The following TMEM260 variants were observed in gnomAD, a reference collection of about 807,000 sequenced individuals.
TMEM260 encodes transmembrane protein 260, also known as protein O-mannosyl-transferase TMEM260.
A neutral mutation model predicts 88.9 loss-of-function variants in TMEM260; 82 were observed. The ratio of observed to expected loss-of-function variants is 0.92; its 90% CI spans 0.77 to 1.11. The LOEUF (loss-of-function observed/expected upper bound fraction) is 1.11, where lower values mean the gene tolerates loss of function less well. Ranked by LOEUF, TMEM260 falls within the 50% of genes least tolerant of loss-of-function variation. The probability of loss-of-function intolerance (pLI) is 0.00; values close to 1 mark genes in which losing one functional copy is unlikely to be tolerated. For synonymous variants in TMEM260, 314 were observed against 309.3 expected, an observed-to-expected ratio of 1.02 and a Z score of -0.16; for missense variants, 902 against 853.4, an observed-to-expected ratio of 1.06 and a Z score of -0.71.
intron 7 of TMEM260, among the ~76,000 whole-genome samples, chr14:56,614,589 A>G (rs1175178268): frequency 6.6e-6 from 1 of 152,192 alleles, no homozygotes; most frequent in East Asian, 1.9e-4. Flanking sequence ...ATCCTAGACC[A>G]TATGTCTAAC....
At chr14:56,647,216 A>G (rs775538331) in intron 15 of TMEM260, 27 bp from the exon 16 acceptor site, 1 of 1,567,462 alleles carries the variant, frequency 6.4e-7, no homozygotes, top group Non-Finnish European at 8.6e-7. Flanking sequence ...ATAACAATGG[A>G]ATACCAACAT....
intron 15 of TMEM260, among the ~76,000 whole-genome samples, chr14:56,639,125 A>C (rs1889363272): frequency 6.6e-6 from 1 of 152,160 alleles, no homozygotes; most frequent in South Asian, 2.1e-4. Context: ...AAGTGTTGGC[A>C]TCTATTTTGG....
At chr14:56,595,060 A>G (rs1254587294) in intron 3 of TMEM260, among the ~76,000 whole-genome samples, 1 of 152,210 alleles carries the variant, frequency 6.6e-6, no homozygotes, top group Non-Finnish European at 1.5e-5. Flanking sequence ...CCAGTGATCA[A>G]AAAGGATAGT....
At chr14:56,659,149 G>A in the TMEM260 span, among the ~76,000 whole-genome samples, 3 of 152,124 alleles carry the variant, frequency 2.0e-5, no homozygotes, top group East Asian at 1.9e-4. Context: ...AGATATTAAG[G>A]TGAGTGAAGT....
In TMEM260 at chr14:56,585,848, G is replaced by C; in HGVS notation, c.280G>C (p.Val94Leu). 1.2e-6 allele frequency: 2 copies of C among 1,613,306 alleles called. No individual in the cohort carries two copies. Among genetic ancestry groups the C allele is most frequent in the Non-Finnish European group, 1.7e-6 (2 of 1,179,662 alleles). Reference sequence around the variant, plus strand: ...TCCTTTTGGTTCAATTGCCTACCGCGTCAATCTTCTCTGTGGCTTATTTGG... The same window carrying C: ...TCCTTTTGGTTCAATTGCCTACCGCCTCAATCTTCTCTGTGGCTTATTTGG... ...LFPFGSIAYR[V>L]NLLCGLFGAV... Residue 94 changes from valine to leucine, a missense_variant, in exon 3 of 16, where the codon GTC becomes CTC. Transcript: ENST00000261556.
chr14:56,596,381 A>AGAGAGTGTGTGTGT (rs1555334739), intron 3 of TMEM260, among the ~76,000 whole-genome samples: 1 of 126,592 alleles, frequency 7.9e-6, no homozygotes, highest in Non-Finnish European at 1.6e-5. Flanking sequence ...TATATGTGAG[A>AGAGAGTGTGTGTGT]GTGTGTGTGT....
chr14:56,638,806 G>T (rs72711234), intron 15 of TMEM260, among the ~76,000 whole-genome samples: 1 of 152,068 alleles, frequency 6.6e-6, no homozygotes, highest in Non-Finnish European at 1.5e-5. Context: ...AGGGCAGGGC[G>T]TAGGCAATGC....
At chr14:56,592,581 A>G (rs1211524545) in intron 3 of TMEM260, among the ~76,000 whole-genome samples, 1 of 152,194 alleles carries the variant, frequency 6.6e-6, no homozygotes, top group Non-Finnish European at 1.5e-5. Flanking sequence ...GATTATATGA[A>G]TAAGCCTGAA....
intron 3 of TMEM260, 50 bp downstream of exon 3, chr14:56,585,962 A>G: frequency 1.3e-6 from 2 of 1,583,048 alleles, no homozygotes; most frequent in Non-Finnish European, 1.7e-6. Flanking sequence ...GGAGATGTAG[A>G]TTTCTTATGG....
the TMEM260 span, among the ~76,000 whole-genome samples, chr14:56,662,513 G>A: frequency 2.0e-4 from 30 of 152,268 alleles, no homozygotes; most frequent in South Asian, 6.2e-4. Context: ...AGAAGCCACC[G>A]TGGTCAGGAA....
Position 56,633,015 on chromosome 14 carries a change from T to C in TMEM260, c.1568T>C (p.Ile523Thr), listed in dbSNP as rs146278004. ...AACAGAAAAGAAACATTTGTTTGCA[T>C]AGGAATTCATGAAGGCGACCCAACC... ...VNKQKETFVCIGIHEGDPTWK... is the reference protein window; with the variant it reads ...VNKQKETFVCTGIHEGDPTWK... Residue 523 changes from isoleucine (I) to threonine (T), a missense_variant, in exon 13 of 16, where the codon ATA becomes ACA. Physicochemically the swap from Ile to Thr is moderately conservative, Grantham distance 89. Transcript: ENST00000261556. 168 of 1,613,752 alleles carry C rather than the reference T, an allele frequency of 1.0e-4. No individual in the cohort carries two copies. The highest frequency in any genetic ancestry group is 5.3e-5 in the African/African-American group (4 of 74,904).
At chr14:56,581,614 G>T (rs1034301705) in intron 1 of TMEM260, among the ~76,000 whole-genome samples, 4 of 152,324 alleles carry the variant, frequency 2.6e-5, no homozygotes, top group East Asian at 1.9e-4. Flanking sequence ...ACTGACGTTT[G>T]TTGGGCACTT....
At chr14:56,591,070 T>C (rs1885824448) in intron 3 of TMEM260, among the ~76,000 whole-genome samples, 1 of 152,206 alleles carries the variant, frequency 6.6e-6, no homozygotes. Flanking sequence ...TAATAAGTGG[T>C]TTTAACAAAT....
chr14:56,610,543 G>T (rs1438091591), intron 6 of TMEM260, among the ~76,000 whole-genome samples: 1 of 152,128 alleles, frequency 6.6e-6, no homozygotes. Flanking sequence ...CGCCCGGCCA[G>T]TGAGGTTTTG....
intron 3 of TMEM260, 137 bp downstream of exon 3, chr14:56,586,049 A>G: frequency 2.2e-6 from 2 of 921,054 alleles, no homozygotes; most frequent in Non-Finnish European, 3.2e-6. Context: ...TTAATTTATA[A>G]TACTTTCATA....
intron 14 of TMEM260, among the ~76,000 whole-genome samples, chr14:56,636,278 GC>G (rs1480914226): frequency 6.6e-6 from 1 of 152,068 alleles, no homozygotes; most frequent in East Asian, 1.9e-4. Context: ...ATAAGTGTAA[GC>G]TTTTTTTCTA....
intron 15 of TMEM260, among the ~76,000 whole-genome samples, chr14:56,637,123 C>T (rs541916443): frequency 3.9e-5 from 6 of 152,324 alleles, no homozygotes; most frequent in Non-Finnish European, 8.8e-5. Context: ...CCTCTAGAGC[C>T]TCCTGAAGGA....
chr14:56,644,057 A>G lies in TMEM260; in HGVS notation c.1870-3186A>G, dbSNP rs543399130. On this transcript the variant is annotated intron_variant, in intron 15 of 15. Coordinates refer to ENST00000261556, the MANE Select transcript of TMEM260 (RefSeq NM_017799.4). ...CCATGCTCATGGGTAGGAAGAATCA[A>G]TTGCGTGAAAATGGCCATACTGCCC... Among the ~76,000 whole-genome samples, 442 of 152,312 alleles carry G rather than the reference A, an allele frequency of 2.9e-3. 4 individuals carry two copies. Among genetic ancestry groups the G allele is most frequent in the African/African-American group, 0.01 (423 of 41,574 alleles).
intron 1 of TMEM260, among the ~76,000 whole-genome samples, 194 bp from the exon 2 acceptor site, chr14:56,584,806 CA>C (rs1885382186): frequency 1.3e-5 from 2 of 152,192 alleles, no homozygotes; most frequent in Admixed American, 1.3e-4. Flanking sequence ...TAAAGACTAT[CA>C]AAGATAGTTT....
Sources: allele counts gnomAD v4.1 joint callset (sites outside exome capture counted in the v4.1 genomes callset), GRCh38; gene constraint gnomAD v4.1.1; transcripts MANE v1.5; gene names NCBI Gene and HGNC (gene_info 2026-07-23, HGNC 2026-07-21).